Variants in VPS50 observed in about 807,000 individuals in gnomAD.
VPS50 encodes the protein syndetin.
In VPS50, 70 loss-of-function variants were observed where a neutral mutation model predicts 139.7. That is an observed-to-expected ratio of 0.50 (90% CI 0.41 to 0.61). The LOEUF (loss-of-function observed/expected upper bound fraction) is 0.61, where lower values mean the gene tolerates loss of function less well. Ranked by LOEUF, VPS50 falls within the 20% of genes least tolerant of loss-of-function variation. The pLI is 0.00. For synonymous variants in VPS50, 365 were observed against 376.7 expected (o/e 0.97, Z 0.36); for missense variants, 921 against 1,133.7 (o/e 0.81, Z 2.69).
intron 16 of VPS50, among the ~76,000 whole-genome samples, chr7:93,302,391 A>G (rs1045838850): frequency 7.1e-6 from 1 of 140,468 alleles, no homozygotes. Context: ...GATATTTTCT[A>G]TTGATCTGTC....
At chr7:93,326,143 TG>T (rs1797764407) in intron 21 of VPS50, among the ~76,000 whole-genome samples, 1 of 151,830 alleles carries the variant, frequency 6.6e-6, no homozygotes, top group South Asian at 2.1e-4. Context: ...TCATGTCCTT[TG>T]TAGGGACATG....
Position 93,303,440 on chromosome 7 carries a change from G to C in VPS50, c.1362-20G>C. 1 of 1,239,138 alleles carries C rather than the reference G, an allele frequency of 8.1e-7. No individual in the cohort carries two copies. The highest frequency in any genetic ancestry group is 1.9e-4 in the Middle Eastern group (1 of 5,226). 76.8% of individuals were successfully genotyped at this position (1,239,138 alleles called of 1,614,324 possible). On this transcript the variant is annotated intron_variant, in intron 16 of 27. Coordinates refer to ENST00000305866, the MANE Select transcript of VPS50 (RefSeq NM_017667.4). ...TACTTTTCTTCTCACTTTTTGGAGT[G>C]TTCATTTTCTTTTTTTAAGAACACG...
intron 2 of VPS50, chr7:93,246,153 C>T (rs890788200): frequency 1.4e-5 from 19 of 1,380,482 alleles, no homozygotes; most frequent in Non-Finnish European, 1.8e-5. Context: ...TTCCGTTTTC[C>T]CTATAACAGA....
chr7:93,263,437 T>C (rs1002344165), intron 9 of VPS50, among the ~76,000 whole-genome samples: 1 of 152,246 alleles, frequency 6.6e-6, no homozygotes, highest in African/African-American at 2.4e-5. Flanking sequence ...TGAATTCTGA[T>C]GTGATTTTTA....
At position 93,334,212 on chromosome 7, in the gene VPS50, G is replaced by A; in HGVS notation, c.2058+15G>A. 1 of 1,329,690 alleles carries A rather than the reference G, an allele frequency of 7.5e-7. No homozygotes were observed. Among genetic ancestry groups the A allele is most frequent in the Non-Finnish European group, 1.1e-6 (1 of 939,872 alleles). 82.4% of individuals were successfully genotyped at this position (1,329,690 alleles called of 1,614,324 possible). On this transcript the variant is annotated intron_variant, in intron 22 of 27. Transcript: ENST00000305866. ...TTATTGATCTAGTAAGTAACGAATT[G>A]GAATAAATTCTTTTGGATTATATAA...
chr7:93,323,572 T>C, intron 20 of VPS50, 39 bp from the exon 21 acceptor site: 1 of 907,474 alleles, frequency 1.1e-6, no homozygotes, highest in South Asian at 3.0e-5. Flanking sequence ...CAGATTTTAA[T>C]TTTGTTCTGC....
chr7:93,259,456 C>T (rs1795598240), intron 8 of VPS50, 94 bp from the exon 9 acceptor site: 1 of 606,190 alleles, frequency 1.6e-6, no homozygotes, highest in East Asian at 2.8e-5. Flanking sequence ...GATTCTGTAA[C>T]TTTTGGTTAG....
intron 9 of VPS50, among the ~76,000 whole-genome samples, chr7:93,269,583 T>C (rs576623523): frequency 6.6e-6 from 1 of 152,200 alleles, no homozygotes; most frequent in South Asian, 2.1e-4. Flanking sequence ...TTGTATTACA[T>C]TGGTTTTACT....
intron 20 of VPS50, among the ~76,000 whole-genome samples, chr7:93,314,276 A>ATATT (rs996180570): frequency 2.0e-5 from 3 of 152,198 alleles, no homozygotes; most frequent in Admixed American, 2.0e-4. Flanking sequence ...CATTAAAGGC[A>ATATT]TATTTAAAAT....
In VPS50 at chr7:93,273,611, C is replaced by T. The variant is rs569553314; in HGVS notation, c.801+878C>T. 13 of 152,160 alleles carry T rather than the reference C, an allele frequency of 8.5e-5. 1 individual carries two copies. Among genetic ancestry groups the T allele is most frequent in the African/African-American group, 2.6e-4 (11 of 41,534 alleles). The allele number at this position is 152,160 out of a possible 1,614,324, so 9.4% of individuals were successfully genotyped here. A position where few individuals can be genotyped will look rare whatever the true frequency, so the allele number is the denominator to read the frequency against. On this transcript the variant is annotated intron_variant, in intron 11 of 27. Transcript: ENST00000305866. ...AAAATAGGATTATAACTTCTAATTT[C>T]CCTCATAAGATTAAGTCTTAAATTC...
intron 9 of VPS50, among the ~76,000 whole-genome samples, chr7:93,265,448 G>A (rs1302979279): frequency 6.6e-6 from 1 of 152,198 alleles, no homozygotes; most frequent in African/African-American, 2.4e-5. Flanking sequence ...CTGCCAGCTG[G>A]ATTTGGCCTG....
chr7:93,265,014 T>C (rs1795798294), intron 9 of VPS50, among the ~76,000 whole-genome samples: 1 of 152,144 alleles, frequency 6.6e-6, no homozygotes, highest in South Asian at 2.1e-4. Context: ...AAAATAATAG[T>C]TTCACATGAC....
chr7:93,326,239 T>C (rs1476594339), intron 21 of VPS50, among the ~76,000 whole-genome samples: 1 of 136,752 alleles, frequency 7.3e-6, no homozygotes, highest in African/African-American at 2.8e-5. Context: ...TAGGTGGGAA[T>C]TGAACAATGA....
At chr7:93,282,125 A>G (rs1011422234) in intron 12 of VPS50, among the ~76,000 whole-genome samples, 2 of 150,286 alleles carry the variant, frequency 1.3e-5, no homozygotes, top group African/African-American at 4.9e-5. Flanking sequence ...AATGACATGA[A>G]CCCTGGAGGC....
chr7:93,242,493 A>G (rs982732608), intron 2 of VPS50, among the ~76,000 whole-genome samples: 1 of 151,840 alleles, frequency 6.6e-6, no homozygotes, highest in Non-Finnish European at 1.5e-5. Flanking sequence ...ATATATATAT[A>G]TAACATAGAA....
chr7:93,330,501 C>T (rs1797904403), intron 21 of VPS50, among the ~76,000 whole-genome samples: 1 of 152,088 alleles, frequency 6.6e-6, no homozygotes, highest in Non-Finnish European at 1.5e-5. Flanking sequence ...GACTTGTAAT[C>T]CCAGCACTTT....
In VPS50 at chr7:93,294,666, C is replaced by T. The variant is rs544828470; in HGVS notation, c.1167+30C>T. 4 of 1,496,922 alleles carry T rather than the reference C, an allele frequency of 2.7e-6. No individual in the cohort carries two copies. The Admixed American group carries it at 8.1e-5, about 30-fold the overall frequency. The allele number at this position is 1,496,922 out of a possible 1,614,324, so 92.7% of individuals were successfully genotyped here. A position where few individuals can be genotyped will look rare whatever the true frequency, so the allele number is the denominator to read the frequency against. ...GGTTTTTTTAAAATTATTTTTTTCA[C>T]AGAAGCAATAGAAATGTCATGTCAT... On this transcript the variant is annotated intron_variant, in intron 14 of 27. Coordinates refer to ENST00000305866, the MANE Select transcript of VPS50 (RefSeq NM_017667.4).
At chr7:93,358,202 G>T (rs1015667736) in intron 27 of VPS50, 115 bp from the exon 28 acceptor site, 6 of 929,622 alleles carry the variant, frequency 6.5e-6, no homozygotes. Context: ...TTTTTCACTG[G>T]TTTATAATGC....
chr7:93,350,731 G>A (rs1291416490), intron 25 of VPS50, among the ~76,000 whole-genome samples: 1 of 152,108 alleles, frequency 6.6e-6, no homozygotes, highest in Non-Finnish European at 1.5e-5. Context: ...AGAATGACAG[G>A]ATGTGAGTGG....
Sources: allele counts gnomAD v4.1 joint callset (sites outside exome capture counted in the v4.1 genomes callset), GRCh38; gene constraint gnomAD v4.1.1; transcripts MANE v1.5; gene names NCBI Gene and HGNC (gene_info 2026-07-23, HGNC 2026-07-21).